The following SCAMP1 variants were observed in gnomAD, a reference collection of about 807,000 sequenced individuals.
SCAMP1 encodes secretory carrier-associated membrane protein 1.
A neutral mutation model predicts 41.8 loss-of-function variants in SCAMP1; 15 were observed. The observed-to-expected ratio is 0.36, with a 90% CI of 0.24 to 0.55. The LOEUF is 0.55. SCAMP1 is among the 20% of genes least tolerant of loss of function. SCAMP1 has a pLI of 0.86. For synonymous variants in SCAMP1, 135 were observed against 136.8 expected, an observed-to-expected ratio of 0.99 and a Z score of 0.09; for missense variants, 341 against 412.6, an observed-to-expected ratio of 0.83 and a Z score of 1.50.
intron 6 of SCAMP1, among the ~76,000 whole-genome samples, chr5:78,435,284 G>A (rs910391371): frequency 6.6e-6 from 1 of 152,176 alleles, no homozygotes; most frequent in East Asian, 1.9e-4. Context: ...AGTGCACAAC[G>A]TGCAGGTTTG....
In SCAMP1 at chr5:78,479,830, C is replaced by T. The variant is rs976934804; in HGVS notation, c.*4162C>T. ...GGCCAAGGTGGGCGGATCACGAGGT[C>T]AGGAGATCGAAACCATCCTGGCTAA... On this transcript the variant is annotated 3_prime_UTR_variant, in exon 9 of 9. Transcript: ENST00000621999. Among the ~76,000 whole-genome samples, 23 of 152,148 alleles carry T rather than the reference C, an allele frequency of 1.5e-4. No homozygotes were observed. Among genetic ancestry groups the T allele is most frequent in the African/African-American group, 5.5e-4 (23 of 41,498 alleles).
intron 2 of SCAMP1, among the ~76,000 whole-genome samples, chr5:78,389,776 G>A (rs1168854317): frequency 6.6e-6 from 1 of 151,410 alleles, no homozygotes; most frequent in East Asian, 1.9e-4. Flanking sequence ...AACTGTTGAG[G>A]TAGATTCTGT....
intron 2 of SCAMP1, among the ~76,000 whole-genome samples, chr5:78,407,411 T>C (rs191904938): frequency 6.6e-6 from 1 of 152,340 alleles, no homozygotes; most frequent in Admixed American, 6.5e-5. Flanking sequence ...TAGCTCAGTC[T>C]TAGGATCTTA....
Position 78,398,355 on chromosome 5 carries a change from C to CTTTTTTTTTT in SCAMP1, c.135+9459_135+9468dup, listed in dbSNP as rs1197381285. Among the ~76,000 whole-genome samples, 17 of 57,482 alleles carry CTTTTTTTTTT rather than the reference C, an allele frequency of 3.0e-4. 1 individual carries two copies. Among genetic ancestry groups the CTTTTTTTTTT allele is most frequent in the African/African-American group, 1.1e-3 (15 of 13,382 alleles). 37.7% of individuals were successfully genotyped at this position (57,482 alleles called of 152,430 possible). A position where few individuals can be genotyped will look rare whatever the true frequency, so the allele number is the denominator to read the frequency against. On this transcript the variant is annotated intron_variant, in intron 2 of 8. Coordinates refer to ENST00000621999, the MANE Select transcript of SCAMP1 (RefSeq NM_004866.6). ...CTATAGTTTATCCTAGGGTTCACCT[C>CTTTTTTTTTT]TTTTTTTTTTTTTTTTTTTTTTTTT... is the stretch of plus-strand genomic sequence containing the variant.
Position 78,415,541 on chromosome 5 carries a change from A to G in SCAMP1, c.157A>G (p.Met53Val). The G allele has an allele frequency of 6.2e-7, 1 of 1,605,884 alleles. No homozygotes were observed. Among genetic ancestry groups the G allele is most frequent in the Non-Finnish European group, 8.5e-7 (1 of 1,175,828 alleles). Residue 53 changes from methionine to valine, a missense_variant, in exon 3 of 9, where the codon ATG becomes GTG. Transcript: ENST00000621999. ...SRTPPPGGVK[M>V]PNVPNTQPAI... is the part of the protein sequence containing the mutation. ...CTAGCCTCCACCAGGCGGTGTGAAG[A>G]TGCCTAATGTACCCAATACACAACC...
intron 2 of SCAMP1, among the ~76,000 whole-genome samples, chr5:78,394,611 T>A (rs78615623): frequency 0.032 from 4,902 of 152,272 alleles, 248 homozygotes; most frequent in African/African-American, 0.1. Flanking sequence ...CATAGTAGTT[T>A]ACTCATCTTT....
At chr5:78,455,042 T>G (rs1753350775) in intron 7 of SCAMP1, among the ~76,000 whole-genome samples, 1 of 48,112 alleles carries the variant, frequency 2.1e-5, no homozygotes, top group African/African-American at 7.9e-5. Context: ...CCCTTTATCA[T>G]TTTTTATTGT....
intron 8 of SCAMP1, among the ~76,000 whole-genome samples, chr5:78,464,832 C>T (rs994571290): frequency 5.3e-5 from 8 of 152,120 alleles, no homozygotes; most frequent in Non-Finnish European, 7.4e-5. Context: ...TTTGTCCTCT[C>T]GGAGAATCAC....
At chr5:78,451,693 T>TCA (rs1753234855) in intron 7 of SCAMP1, among the ~76,000 whole-genome samples, 2 of 152,246 alleles carry the variant, frequency 1.3e-5, no homozygotes, top group African/African-American at 2.4e-5. Flanking sequence ...AGTCTCGCCC[T>TCA]ATCACCCAGG....
intron 1 of SCAMP1, among the ~76,000 whole-genome samples, chr5:78,380,257 C>T (rs1751168565): frequency 6.6e-6 from 1 of 152,180 alleles, no homozygotes; most frequent in African/African-American, 2.4e-5. Context: ...TAGTGTGATG[C>T]TTCCATGTGG....
intron 7 of SCAMP1, 115 bp downstream of exon 7, chr5:78,450,149 A>G: frequency 3.2e-6 from 2 of 619,380 alleles, no homozygotes; most frequent in Middle Eastern, 8.6e-4. Flanking sequence ...ATAAAAAGCA[A>G]AAATTGTTTT....
intron 2 of SCAMP1, among the ~76,000 whole-genome samples, chr5:78,414,232 A>G (rs1251963195): frequency 6.6e-6 from 1 of 151,878 alleles, no homozygotes; most frequent in Non-Finnish European, 1.5e-5. Context: ...AAAAGGTCAT[A>G]TACAGACTGT....
rs535327896 is a variant in SCAMP1 at position 78,475,999 on chromosome 5, C to T, written c.*331C>T. 3.6e-4 allele frequency: 57 copies of T among 157,358 alleles called. No individual in the cohort carries two copies. The highest frequency in any genetic ancestry group is 6.5e-4 in the Non-Finnish European group (46 of 71,222). The allele number at this position is 157,358 out of a possible 1,614,324, so 9.7% of individuals were successfully genotyped here. On this transcript the variant is annotated 3_prime_UTR_variant, in exon 9 of 9. Transcript: ENST00000621999. ...TGATTAAAAACGCATTTAATACTAA[C>T]TGCAGTAGTTCTTTCAAGAATCTTT...
At chr5:78,424,814 A>G (rs572281271) in intron 6 of SCAMP1, among the ~76,000 whole-genome samples, 41 of 152,356 alleles carry the variant, frequency 2.7e-4, no homozygotes, top group African/African-American at 8.4e-4. Context: ...ACATCAAAAT[A>G]TTAGGTAATT....
rs183986445 is a variant in SCAMP1, at chr5:78,463,979, G to A, written c.852+4617G>A. On this transcript the variant is annotated intron_variant, in intron 8 of 8. Transcript: ENST00000621999. ...CAGTGCTGTGATTGCTTCTGTCAGT[G>A]CTTCCATTACTTCTTTTTTGAGACA... Among the ~76,000 whole-genome samples the A allele has an allele frequency of 1.1e-3, 163 of 151,966 alleles. 1 individual carries two copies. The highest frequency in any genetic ancestry group is 3.8e-3 in the African/African-American group (158 of 41,460).
At chr5:78,425,341 A>G (rs1013896573) in intron 6 of SCAMP1, among the ~76,000 whole-genome samples, 2 of 152,210 alleles carry the variant, frequency 1.3e-5, no homozygotes, top group African/African-American at 2.4e-5. Flanking sequence ...GAAATGGAAC[A>G]TTATCAATAC....
chr5:78,421,369 T>A (rs1752335624), intron 5 of SCAMP1, among the ~76,000 whole-genome samples: 1 of 152,240 alleles, frequency 6.6e-6, no homozygotes, highest in Non-Finnish European at 1.5e-5. Flanking sequence ...TGTATTAGTA[T>A]TTTTAGTCCA....
chr5:78,396,024 A>G (rs1379064509), intron 2 of SCAMP1, among the ~76,000 whole-genome samples: 1 of 152,200 alleles, frequency 6.6e-6, no homozygotes, highest in African/African-American at 2.4e-5. Context: ...AAGATATGGT[A>G]TATTAGGACT....
At chr5:78,392,000 A>G (rs1402180113) in intron 2 of SCAMP1, among the ~76,000 whole-genome samples, 3 of 146,546 alleles carry the variant, frequency 2.0e-5, no homozygotes, top group Non-Finnish European at 4.5e-5. Context: ...GACCGTGGAA[A>G]GAGAGGGAGA....
Sources: gnomAD v4.1 joint callset for allele counts (sites outside exome capture counted in the v4.1 genomes callset) on GRCh38, gnomAD v4.1.1 for gene constraint, MANE v1.5 for transcripts, NCBI Gene and HGNC (gene_info 2026-07-23, HGNC 2026-07-21) for gene names.